The following CDH19 variants were observed in gnomAD, a reference collection of about 807,000 sequenced individuals.
CDH19 encodes the protein cadherin 19.
CDH19 carries 67 observed loss-of-function variants against 64.2 expected under a neutral mutation model. The ratio of observed to expected loss-of-function variants is 1.04; its 90% CI spans 0.86 to 1.28. The LOEUF (loss-of-function observed/expected upper bound fraction) is 1.28. Ranked by LOEUF, CDH19 falls within the 50% of genes most tolerant of loss-of-function variation. CDH19 has a pLI of 0.00. For synonymous variants in CDH19, 346 were observed against 319.3 expected, an observed-to-expected ratio of 1.08 and a Z score of -0.89; for missense variants, 1,030 against 929.0, an observed-to-expected ratio of 1.11 and a Z score of -1.41.
intron 9 of CDH19, among the ~76,000 whole-genome samples, chr18:66,521,092 AC>A (rs1976371959): frequency 1.3e-5 from 2 of 152,074 alleles, no homozygotes; most frequent in Non-Finnish European, 2.9e-5. Flanking sequence ...TTCTATACAC[AC>A]AAGTAATTCA....
chr18:66,520,060 C>T (rs1252147887), intron 9 of CDH19, among the ~76,000 whole-genome samples: 1 of 152,072 alleles, frequency 6.6e-6, no homozygotes, highest in Admixed American at 6.6e-5. Flanking sequence ...TGGCATGCAC[C>T]TGTAGTCCCA....
chr18:66,544,782 A>C lies in CDH19; in HGVS notation c.897T>G (p.Asp299Glu), dbSNP rs1987040175. ...AEMDYSIEEDDSQTFDIITNH... is the reference protein window; with the variant it reads ...AEMDYSIEEDESQTFDIITNH... Reference sequence around the variant, plus strand: ...TAGTAATAATGTCAAATGTTTGCGAATCATCCTCTTCAATGCTGTAATCCA... The same window carrying C: ...TAGTAATAATGTCAAATGTTTGCGACTCATCCTCTTCAATGCTGTAATCCA... Residue 299 changes from aspartate (D) to glutamate (E), a missense_variant, in exon 6 of 12, where the codon GAT becomes GAG. By Grantham distance (45) the Asp-to-Glu change is conservative. Transcript: ENST00000262150. The C allele has an allele frequency of 1.2e-6, 2 of 1,612,306 alleles. No individual in the cohort carries two copies. Among genetic ancestry groups the C allele is most frequent in the East Asian group, 2.2e-5 (1 of 44,832 alleles).
At position 66,544,224 on chromosome 18, in the gene CDH19, T is replaced by G; in HGVS notation, c.961A>C (p.Lys321Gln). Residue 321 changes from lysine to glutamine, a missense_variant and splice_region_variant, in exon 7 of 12, where the codon AAA becomes CAA. Coordinates refer to ENST00000262150, the MANE Select transcript of CDH19 (RefSeq NM_021153.4). ...TQEGIVILKK[K>Q]VDFEHQNHYG... ...TGGTTCTGGTGCTCAAAATCCACTT[T>G]CTGCAAAGAAACACAGTATACACAA... 1 of 1,612,300 alleles carries G rather than the reference T, an allele frequency of 6.2e-7. No individual in the cohort carries two copies. Among genetic ancestry groups the G allele is most frequent in the African/African-American group, 1.3e-5 (1 of 74,920 alleles).
chr18:66,551,227 T>G lies in CDH19; in HGVS notation c.642A>C (p.Arg214Ser). Residue 214 changes from arginine to serine, a missense_variant, in exon 5 of 12, where the codon AGA becomes AGC. Physicochemically the swap from Arg to Ser is moderately radical, Grantham distance 110 (BLOSUM62 -1). Coordinates refer to ENST00000262150, the MANE Select transcript of CDH19 (RefSeq NM_021153.4). ...TTACCCAATACTCATCTTGCAGTTC[T>G]CTATCCATTTTAGAAGATATTCTTA... ...GVIRISSKMD[R>S]ELQDEYWVII... 6.4e-7 allele frequency: 1 copy of G among 1,550,628 alleles called. No individual in the cohort carries two copies. Among genetic ancestry groups the G allele is most frequent in the Non-Finnish European group, 8.9e-7 (1 of 1,123,692 alleles).
chr18:66,602,174 T>C (rs190965230), intron 1 of CDH19, among the ~76,000 whole-genome samples: 74 of 152,116 alleles, frequency 4.9e-4, no homozygotes, highest in Middle Eastern at 6.8e-3. Flanking sequence ...AATATCTCCT[T>C]TTAAACAGTT....
At chr18:66,560,382 AT>A (rs1201532606) in intron 3 of CDH19, among the ~76,000 whole-genome samples, 2 of 152,080 alleles carry the variant, frequency 1.3e-5, no homozygotes, top group African/African-American at 4.8e-5. Context: ...CTGTCCATCT[AT>A]CTAACACCAA....
At chr18:66,552,470 T>TGTATTCCCTGATGACTAATGAGG (rs1314654976) in intron 4 of CDH19, among the ~76,000 whole-genome samples, 2 of 137,438 alleles carry the variant, frequency 1.5e-5, no homozygotes, top group African/African-American at 3.3e-5. Context: ...CTAAAGTGTT[T>TGTATTCCCTGATGACTAATGAGG]CACACATGTA....
At chr18:66,548,490 C>A (rs374552640) in intron 5 of CDH19, among the ~76,000 whole-genome samples, 1 of 73,918 alleles carries the variant, frequency 1.4e-5, no homozygotes, top group Non-Finnish European at 2.5e-5. Flanking sequence ...TTAAAGTATA[C>A]AAAGAAAAGG....
chr18:66,568,611 T>C lies in CDH19; in HGVS notation c.295A>G (p.Ile99Val), dbSNP rs1468189935. ...TFIIDERTGD[I>V]YAIQKLDREE... ...CTATCAAGCTTCTGTATGGCATATA[T>C]GTCACCTGTTCTTTCATCAATGATA... Residue 99 changes from isoleucine to valine, a missense_variant, in exon 3 of 12, where the codon ATA (isoleucine) becomes GTA (valine). Coordinates refer to ENST00000262150, the MANE Select transcript of CDH19 (RefSeq NM_021153.4). 6 of 1,612,008 alleles carry C rather than the reference T, an allele frequency of 3.7e-6. No homozygotes were observed. The highest frequency in any genetic ancestry group is 1.7e-5 in the Admixed American group (1 of 59,756).
intron 7 of CDH19, among the ~76,000 whole-genome samples, chr18:66,535,393 A>C (rs1986621954): frequency 6.6e-6 from 1 of 151,400 alleles, no homozygotes; most frequent in Non-Finnish European, 1.5e-5. Context: ...ATATATCTTC[A>C]GCCTAGACGA....
intron 8 of CDH19, among the ~76,000 whole-genome samples, chr18:66,530,181 A>G (rs1257840974): frequency 6.6e-6 from 1 of 152,076 alleles, no homozygotes; most frequent in Non-Finnish European, 1.5e-5. Context: ...AGCAATATTT[A>G]TTGAGTGCAT....
intron 1 of CDH19, among the ~76,000 whole-genome samples, chr18:66,589,785 G>A (rs1199378550): frequency 6.6e-6 from 1 of 151,816 alleles, no homozygotes; most frequent in Non-Finnish European, 1.5e-5. Context: ...GTATATATAT[G>A]TTTGTGTTGT....
intron 9 of CDH19, among the ~76,000 whole-genome samples, chr18:66,526,768 T>C (rs531850576): frequency 2.6e-5 from 4 of 152,090 alleles, no homozygotes; most frequent in Non-Finnish European, 4.4e-5. Flanking sequence ...ATTTGAAAGA[T>C]TGTGTATTGA....
At chr18:66,545,110 C>G (rs1363220952) in intron 5 of CDH19, among the ~76,000 whole-genome samples, 1 of 151,952 alleles carries the variant, frequency 6.6e-6, no homozygotes, top group Admixed American at 6.6e-5. Context: ...TACTGAGTAG[C>G]TGGGTCTACA....
chr18:66,588,991 A>G (rs1251946020), intron 1 of CDH19, among the ~76,000 whole-genome samples: 1 of 151,800 alleles, frequency 6.6e-6, no homozygotes, highest in African/African-American at 2.4e-5. Context: ...TTTAAAAAGT[A>G]AAAATAAAAA....
chr18:66,554,952 T>G lies in CDH19; in HGVS notation c.491-428A>C, dbSNP rs1323529536. On this transcript the variant is annotated intron_variant, in intron 3 of 11. Coordinates refer to ENST00000262150, the MANE Select transcript of CDH19 (RefSeq NM_021153.4). ...CAAAGTGGAGAAGGTTGATAAATATTTACAAAGATTATTGAATTGAGCTTG... is the reference window on the plus strand; with the variant it reads ...CAAAGTGGAGAAGGTTGATAAATATGTACAAAGATTATTGAATTGAGCTTG... Among the ~76,000 whole-genome samples the G allele has an allele frequency of 2.0e-5, 3 of 151,930 alleles. No homozygotes were observed. The East Asian group carries it at 5.8e-4, about 29-fold the overall frequency.
intron 1 of CDH19, chr18:66,596,314 A>T (rs933005948): frequency 3.9e-5 from 6 of 152,132 alleles, no homozygotes; most frequent in Non-Finnish European, 5.9e-5. Context: ...CTAACCAGAG[A>T]AATAAGTCAA....
At chr18:66,598,773 C>A (rs1379156256) in intron 1 of CDH19, among the ~76,000 whole-genome samples, 1 of 152,026 alleles carries the variant, frequency 6.6e-6, no homozygotes, top group Non-Finnish European at 1.5e-5. Flanking sequence ...GTACACTAAA[C>A]CGCAGCAACA....
At chr18:66,517,565 C>T (rs1355725760) in intron 9 of CDH19, among the ~76,000 whole-genome samples, 2 of 151,938 alleles carry the variant, frequency 1.3e-5, no homozygotes, top group Non-Finnish European at 2.9e-5. Context: ...TTTGTTTACC[C>T]ACATAGGTAT....
Sources: allele counts gnomAD v4.1 joint callset (sites outside exome capture counted in the v4.1 genomes callset), GRCh38; gene constraint gnomAD v4.1.1; transcripts MANE v1.5; gene names NCBI Gene and HGNC (gene_info 2026-07-23, HGNC 2026-07-21).